The following RANBP17 variants were observed in gnomAD, a reference collection of about 807,000 sequenced individuals.
RANBP17 encodes the protein ran-binding protein 17.
RANBP17 carries 158 observed loss-of-function variants against 141.2 expected under a neutral mutation model. The ratio of observed to expected loss-of-function variants is 1.12; its 90% CI spans 0.98 to 1.28. The LOEUF (loss-of-function observed/expected upper bound fraction) is 1.28. Ranked by LOEUF, RANBP17 falls within the 50% of genes most tolerant of loss-of-function variation. RANBP17 has a pLI of 0.00. For missense variants in RANBP17, 1,438 were observed against 1,290.7 expected, an observed-to-expected ratio of 1.11 and a Z score of -1.75; for synonymous variants, 430 against 450.0, an observed-to-expected ratio of 0.96 and a Z score of 0.56.
intron 1 of RANBP17, among the ~76,000 whole-genome samples, chr5:170,868,402 C>A (rs148834493): frequency 6.0e-5 from 9 of 150,936 alleles, no homozygotes; most frequent in Admixed American, 2.6e-4. Context: ...GCATGTGCTA[C>A]CACACCTGGC....
intron 14 of RANBP17, among the ~76,000 whole-genome samples, chr5:171,078,816 C>T (rs1785094654): frequency 6.6e-6 from 1 of 152,214 alleles, no homozygotes. Context: ...TCATTGACCA[C>T]ACACTTGGTC....
chr5:171,104,790 T>C (rs2127749094), intron 14 of RANBP17, among the ~76,000 whole-genome samples: 1 of 152,366 alleles, frequency 6.6e-6, no homozygotes, highest in Middle Eastern at 3.4e-3. Flanking sequence ...ATAATATGCT[T>C]AGCTCAATAA....
chr5:171,070,979 C>G (rs1280470815), intron 14 of RANBP17, among the ~76,000 whole-genome samples: 1 of 152,024 alleles, frequency 6.6e-6, no homozygotes, highest in Non-Finnish European at 1.5e-5. Flanking sequence ...GGTAAACATT[C>G]TGGTACATAA....
chr5:171,115,384 C>T (rs2127765389), intron 14 of RANBP17, among the ~76,000 whole-genome samples: 2 of 152,138 alleles, frequency 1.3e-5, no homozygotes, highest in South Asian at 4.2e-4. Flanking sequence ...TAATCTCTCT[C>T]AAGATAAAAG....
intron 14 of RANBP17, among the ~76,000 whole-genome samples, chr5:171,153,556 G>A (rs1235872341): frequency 1.3e-5 from 2 of 152,156 alleles, no homozygotes; most frequent in Non-Finnish European, 2.9e-5. Context: ...AGAATACTGG[G>A]AACATATTGG....
rs1418440306 is a variant in RANBP17 at position 171,285,965 on chromosome 5, ATTCT to A, written c.2944-7914_2944-7911del. Reference sequence around the variant, plus strand: ...TTACAAGCTAGGAGACTGACAGGTAATTCTTTCCCCAGTAAACTGTGATTAAAAT... The same window carrying A: ...TTACAAGCTAGGAGACTGACAGGTAATTCCCCAGTAAACTGTGATTAAAAT... On this transcript the variant is annotated intron_variant, in intron 25 of 27. Coordinates refer to ENST00000523189, the MANE Select transcript of RANBP17 (RefSeq NM_022897.5). 2.0e-5 allele frequency among the ~76,000 whole-genome samples: 3 copies of A among 152,370 alleles called. No homozygotes were observed. The East Asian group carries it at 5.8e-4, about 29-fold the overall frequency.
intron 14 of RANBP17, among the ~76,000 whole-genome samples, chr5:171,063,105 A>G (rs1203653070): frequency 6.6e-6 from 1 of 152,062 alleles, no homozygotes; most frequent in Non-Finnish European, 1.5e-5. Flanking sequence ...TTTGGTTTGA[A>G]TTTCCTCTTA....
intron 14 of RANBP17, among the ~76,000 whole-genome samples, chr5:170,994,466 A>G (rs1219133216): frequency 6.6e-6 from 1 of 152,074 alleles, no homozygotes; most frequent in Non-Finnish European, 1.5e-5. Flanking sequence ...GCTGGATCAT[A>G]CGTGAAAAGG....
At chr5:171,016,638 C>G (rs1282086962) in intron 14 of RANBP17, among the ~76,000 whole-genome samples, 1 of 151,998 alleles carries the variant, frequency 6.6e-6, no homozygotes, top group African/African-American at 2.4e-5. Flanking sequence ...CACCCATTAA[C>G]TCGTCATTTA....
intron 14 of RANBP17, among the ~76,000 whole-genome samples, chr5:171,070,773 A>G (rs995709513): frequency 3.9e-5 from 6 of 151,996 alleles, no homozygotes; most frequent in African/African-American, 1.4e-4. Flanking sequence ...GTTAATCTGC[A>G]TGTTCTCTGC....
At chr5:171,170,705 C>T (rs560162853) in intron 15 of RANBP17, among the ~76,000 whole-genome samples, 6 of 152,088 alleles carry the variant, frequency 3.9e-5, no homozygotes, top group Non-Finnish European at 5.9e-5. Context: ...ACTTTGTACA[C>T]GTAGCCAAAC....
At chr5:170,874,203 T>A (rs981180180) in intron 1 of RANBP17, among the ~76,000 whole-genome samples, 2 of 152,166 alleles carry the variant, frequency 1.3e-5, no homozygotes, top group African/African-American at 4.8e-5. Context: ...TCAGTGAGAC[T>A]GTTATGATTT....
intron 14 of RANBP17, among the ~76,000 whole-genome samples, chr5:170,976,060 C>A (rs1777355709): frequency 6.6e-6 from 1 of 151,830 alleles, no homozygotes; most frequent in African/African-American, 2.4e-5. Context: ...AAAGGGATTA[C>A]ATCTCTACTT....
chr5:171,167,728 G>A (rs1759801097), intron 14 of RANBP17, among the ~76,000 whole-genome samples: 1 of 152,122 alleles, frequency 6.6e-6, no homozygotes, highest in Admixed American at 6.6e-5. Context: ...GGGTAAAGCA[G>A]GGCACACAGT....
At chr5:171,247,752 A>G (rs1217570048) in intron 24 of RANBP17, among the ~76,000 whole-genome samples, 1 of 152,184 alleles carries the variant, frequency 6.6e-6, no homozygotes, top group Admixed American at 6.5e-5. Flanking sequence ...TTGTGCATAT[A>G]CTATGTACCA....
chr5:170,892,396 T>G lies in RANBP17; in HGVS notation c.266T>G (p.Ile89Ser), dbSNP rs1438715373. The change falls in exon 4 of 28, where the codon ATT (isoleucine) becomes AGT (serine). Residue 89 changes from isoleucine to serine, a missense_variant. Physicochemically the swap from Ile to Ser is moderately radical, Grantham distance 142. Coordinates refer to ENST00000523189, the MANE Select transcript of RANBP17 (RefSeq NM_022897.5). ...AGTGTTTTCTTTGTAGGAAACTACA[T>G]TCTGAATTACGTGGCATCACAGCCC... Reference protein sequence around the residue: ...VEQRMDIRNYILNYVASQPKL... With the variant: ...VEQRMDIRNYSLNYVASQPKL... The G allele has an allele frequency of 6.8e-7, 1 of 1,469,668 alleles. No homozygotes were observed. The highest frequency in any genetic ancestry group is 1.8e-5 in the Admixed American group (1 of 54,578). 91.0% of individuals were successfully genotyped at this position (1,469,668 alleles called of 1,614,324 possible).
At chr5:171,109,496 T>C (rs1314823813) in intron 14 of RANBP17, among the ~76,000 whole-genome samples, 3 of 152,238 alleles carry the variant, frequency 2.0e-5, no homozygotes, top group Non-Finnish European at 2.9e-5. Flanking sequence ...CCTCAGTATC[T>C]GTGTAGGATT....
At chr5:171,255,964 T>TA (rs778115076) in intron 24 of RANBP17, among the ~76,000 whole-genome samples, 2 of 152,172 alleles carry the variant, frequency 1.3e-5, no homozygotes, top group South Asian at 4.1e-4. Context: ...ATTTTACCTT[T>TA]AAAAGATTAT....
chr5:171,122,343 C>A (rs755922218), intron 14 of RANBP17, among the ~76,000 whole-genome samples: 1 of 152,136 alleles, frequency 6.6e-6, no homozygotes, highest in African/African-American at 2.4e-5. Context: ...TGACATCTTG[C>A]CTGTGTATTT....
Sources: gnomAD v4.1 joint callset for allele counts (sites outside exome capture counted in the v4.1 genomes callset) on GRCh38, gnomAD v4.1.1 for gene constraint, MANE v1.5 for transcripts, NCBI Gene and HGNC (gene_info 2026-07-23, HGNC 2026-07-21) for gene names.